Variants in XPOT observed in about 807,000 individuals in gnomAD.
XPOT encodes exportin-T.
A neutral mutation model predicts 128.2 loss-of-function variants in XPOT; 34 were observed. That is an observed-to-expected ratio of 0.27 (90% CI 0.20 to 0.35). The LOEUF (loss-of-function observed/expected upper bound fraction) is 0.35. Ranked by LOEUF, XPOT falls within the 10% of genes least tolerant of loss-of-function variation. The pLI, the probability that XPOT is intolerant of heterozygous loss-of-function variation, is 1.00. For synonymous variants in XPOT, 348 were observed against 394.3 expected (o/e 0.88, Z 1.39); for missense variants, 838 against 1,125.3 (o/e 0.74, Z 3.65).
intron 4 of XPOT, among the ~76,000 whole-genome samples, 184 bp downstream of exon 4, chr12:64,416,938 T>G (rs763021003): frequency 9.2e-5 from 14 of 152,140 alleles, no homozygotes; most frequent in Non-Finnish European, 1.6e-4. Context: ...GTTGGCCAGG[T>G]GAGGTGGCTC....
chr12:64,435,038 T>C, intron 21 of XPOT, 129 bp downstream of exon 21: 1 of 746,148 alleles, frequency 1.3e-6, no homozygotes, highest in Non-Finnish European at 2.1e-6. Context: ...ATCAGGGTTC[T>C]TTTTTTAAAG....
rs548496772 is a variant in XPOT, at chr12:64,450,725, A to G, written c.*2594A>G. The G allele has an allele frequency of 5.3e-5, 8 of 152,250 alleles. No individual in the cohort carries two copies. The highest frequency in any genetic ancestry group is 7.3e-5 in the Non-Finnish European group (5 of 68,050). The allele number at this position is 152,250 out of a possible 1,614,324, so 9.4% of individuals were successfully genotyped here. A position where few individuals can be genotyped will look rare whatever the true frequency, so the allele number is the denominator to read the frequency against. ...AAATAATTGTCTCAAGAGAGGAAGG[A>G]CAAAACTGTTACAAGCTGAAATATT... On this transcript the variant is annotated 3_prime_UTR_variant, in exon 25 of 25. Transcript: ENST00000332707.
At chr12:64,433,357 C>G in intron 18 of XPOT, 57 bp from the exon 19 acceptor site, 3 of 1,450,518 alleles carry the variant, frequency 2.1e-6, no homozygotes, top group Non-Finnish European at 2.8e-6. Flanking sequence ...ATAGTTTTTT[C>G]TAAGTTGTAT....
chr12:64,424,400 G>A (rs142450610), intron 11 of XPOT, among the ~76,000 whole-genome samples, 199 bp from the exon 12 acceptor site: 132 of 152,086 alleles, frequency 8.7e-4, no homozygotes, highest in Middle Eastern at 3.4e-3. Context: ...ATGTAAATGC[G>A]GAAAAATACA....
intron 19 of XPOT, among the ~76,000 whole-genome samples, chr12:64,434,128 A>G (rs1330354728): frequency 6.6e-6 from 1 of 151,926 alleles, no homozygotes; most frequent in Non-Finnish European, 1.5e-5. Flanking sequence ...TCCCATCTCT[A>G]CCTCCTGAGT....
intron 11 of XPOT, among the ~76,000 whole-genome samples, chr12:64,423,971 T>C (rs1441440827): frequency 2.0e-5 from 3 of 152,142 alleles, no homozygotes; most frequent in Non-Finnish European, 4.4e-5. Flanking sequence ...ACAAGGGCCA[T>C]TGGTGCTTTC....
In XPOT at chr12:64,424,133, G is replaced by A. The variant is rs901240919; in HGVS notation, c.1183-466G>A. On this transcript the variant is annotated intron_variant, in intron 11 of 24. Coordinates refer to ENST00000332707, the MANE Select transcript of XPOT (RefSeq NM_007235.6). ...TGGGATGTGCCAGGCTCCTAAGATT[G>A]AATATCTCCAGTTATACCATATTAT... 7.9e-5 allele frequency among the ~76,000 whole-genome samples: 12 copies of A among 152,268 alleles called. No individual in the cohort carries two copies. In the South Asian group the frequency reaches 8.3e-4, roughly 11 times the overall value.
At chr12:64,416,618 T>C in intron 3 of XPOT, 80 bp from the exon 4 acceptor site, 1 of 1,148,070 alleles carries the variant, frequency 8.7e-7, no homozygotes. Flanking sequence ...TTCTGCTGTA[T>C]TACTCATTAC....
chr12:64,443,599 C>T (rs533962073), intron 23 of XPOT, among the ~76,000 whole-genome samples: 17 of 152,156 alleles, frequency 1.1e-4, no homozygotes, highest in African/African-American at 2.6e-4. Flanking sequence ...GGACTACAGG[C>T]GCATGCCACC....
chr12:64,443,206 C>T (rs1287855325), intron 23 of XPOT: 4 of 152,310 alleles, frequency 2.6e-5, no homozygotes, highest in African/African-American at 4.8e-5. Flanking sequence ...CTGCCACTGT[C>T]ACCCAGCTCC....
chr12:64,442,351 T>G (rs1466842370), intron 23 of XPOT, among the ~76,000 whole-genome samples: 2 of 152,014 alleles, frequency 1.3e-5, no homozygotes, highest in African/African-American at 4.8e-5. Flanking sequence ...CAGGCTGGTC[T>G]TGAACTCCTG....
intron 17 of XPOT, among the ~76,000 whole-genome samples, chr12:64,430,902 T>C (rs964706176): frequency 6.6e-6 from 1 of 152,170 alleles, no homozygotes; most frequent in African/African-American, 2.4e-5. Flanking sequence ...ATTTTCTCTT[T>C]TCTGTCCACT....
In XPOT at chr12:64,425,054, C is replaced by T. The variant is rs147211056; in HGVS notation, c.1324C>T (p.Arg442Trp). The T allele has an allele frequency of 8.7e-6, 14 of 1,612,454 alleles. No individual in the cohort carries two copies. In the Admixed American group the frequency reaches 1.2e-4, roughly 13 times the overall value. The change falls in exon 13 of 25, where the codon CGG becomes TGG. Residue 442 changes from arginine to tryptophan, a missense_variant. Transcript: ENST00000332707. Reference protein sequence around the residue: ...SSTLQNWQTTRFMEVEVAIRL... With the variant: ...SSTLQNWQTTWFMEVEVAIRL... Reference sequence around the variant, plus strand: ...CCTTGGTAGGAATTGGCAGACTACACGGTTTATGGAAGTTGAAGTAGCAAT... The same window carrying T: ...CCTTGGTAGGAATTGGCAGACTACATGGTTTATGGAAGTTGAAGTAGCAAT...
intron 11 of XPOT, 42 bp downstream of exon 11, chr12:64,423,286 T>C: frequency 1.6e-6 from 2 of 1,239,738 alleles, no homozygotes; most frequent in Non-Finnish European, 2.2e-6. Flanking sequence ...GTTTTAATTT[T>C]ATTATTATAT....
At position 64,421,277 on chromosome 12, in the gene XPOT, A is replaced by G; in HGVS notation, c.886A>G (p.Asn296Asp). ...CCTGGCCAGATTTTCTAAGTTGGTAAATGGAATGGGACAGTCATTGATAGT... is the reference window on the plus strand; with the variant it reads ...CCTGGCCAGATTTTCTAAGTTGGTAGATGGAATGGGACAGTCATTGATAGT... ...DFLARFSKLV[N>D]GMGQSLIVSW... is the part of the protein sequence containing the mutation. Residue 296 changes from asparagine to aspartate, a missense_variant, in exon 9 of 25, where the codon AAT becomes GAT. By Grantham distance (23) the Asn-to-Asp change is conservative. This residue lies in a region of XPOT where 761 missense variants were observed against 988.3 expected (regional missense o/e 0.77). Coordinates refer to ENST00000332707, the MANE Select transcript of XPOT (RefSeq NM_007235.6). The G allele has an allele frequency of 6.2e-7, 1 of 1,613,912 alleles. No homozygotes were observed. Among genetic ancestry groups the G allele is most frequent in the Admixed American group, 1.7e-5 (1 of 60,010 alleles).
chr12:64,410,805 G>A (rs555749891), intron 2 of XPOT, among the ~76,000 whole-genome samples: 5 of 150,764 alleles, frequency 3.3e-5, no homozygotes, highest in African/African-American at 9.8e-5. Flanking sequence ...GACTATAGCT[G>A]AATGATAGAA....
At position 64,449,555 on chromosome 12, in the gene XPOT, C is replaced by T. The variant is rs2040393751; in HGVS notation, c.*1424C>T. On this transcript the variant is annotated 3_prime_UTR_variant, in exon 25 of 25. Coordinates refer to ENST00000332707, the MANE Select transcript of XPOT (RefSeq NM_007235.6). The stretch of plus-strand genomic sequence containing the variant: ...CTCATGAATGGGTTTCATGAATGGG[C>T]TTCAGTGGCTTATAAACTCTGTAAA... The T allele has an allele frequency of 6.6e-6, 1 of 152,184 alleles. No individual in the cohort carries two copies. The highest frequency in any genetic ancestry group is 2.4e-5 in the African/African-American group (1 of 41,440). 9.4% of individuals were successfully genotyped at this position (152,184 alleles called of 1,614,324 possible).
At chr12:64,426,298 C>CAAA (rs144538945) in intron 15 of XPOT, among the ~76,000 whole-genome samples, 9 of 123,650 alleles carry the variant, frequency 7.3e-5, no homozygotes, top group Admixed American at 4.2e-4. Flanking sequence ...GACTCAGTCT[C>CAAA]AAAAAAAAAA....
chr12:64,415,046 G>A (rs2040075428), intron 3 of XPOT, 57 bp downstream of exon 3: 2 of 1,058,264 alleles, frequency 1.9e-6, no homozygotes, highest in African/African-American at 1.6e-5. Context: ...TGACAGGACT[G>A]TGAAATTTAC....
Sources: gnomAD v4.1 joint callset for allele counts (sites outside exome capture counted in the v4.1 genomes callset) on GRCh38, gnomAD v4.1.1 for gene constraint, gnomAD v4.1.1 regional missense constraint, MANE v1.5 for transcripts, NCBI Gene and HGNC (gene_info 2026-07-23, HGNC 2026-07-21) for gene names.